The following TRAPPC13 variants were observed in gnomAD, a reference collection of about 807,000 sequenced individuals.
TRAPPC13 encodes the protein REV7-interacting novel NHEJ regulator 1.
Under a neutral mutation model 54.0 loss-of-function variants are expected in TRAPPC13, and 39 were observed. The observed-to-expected ratio is 0.72, with a 90% CI of 0.56 to 0.94. The LOEUF is 0.94. Among genes scored for constraint, TRAPPC13 ranks in the 40% least tolerant of loss-of-function variants. The pLI is 0.00. For missense variants in TRAPPC13, 386 were observed against 488.1 expected, an observed-to-expected ratio of 0.79 and a Z score of 1.97; for synonymous variants, 148 against 167.7, an observed-to-expected ratio of 0.88 and a Z score of 0.91.
chr5:65,629,797 G>A, intron 1 of TRAPPC13: 1 of 1,536,094 alleles, frequency 6.5e-7, no homozygotes, highest in African/African-American at 1.4e-5. Flanking sequence ...ATGTGAAACA[G>A]TACTTAACCA....
chr5:65,656,901 G>T (rs13190637), intron 8 of TRAPPC13, among the ~76,000 whole-genome samples: 1 of 151,364 alleles, frequency 6.6e-6, no homozygotes, highest in Non-Finnish European at 1.5e-5. Flanking sequence ...GTGAAACTTC[G>T]TCTCAAAATA....
chr5:65,660,585 T>A, intron 9 of TRAPPC13, 114 bp from the exon 10 acceptor site: 1 of 645,848 alleles, frequency 1.5e-6, no homozygotes, highest in Non-Finnish European at 2.4e-6. Flanking sequence ...GTTCTGTTGT[T>A]GATCTTTGGA....
chr5:65,640,004 G>A (rs142631203), intron 4 of TRAPPC13, among the ~76,000 whole-genome samples: 32 of 152,284 alleles, frequency 2.1e-4, no homozygotes, highest in African/African-American at 6.7e-4. Context: ...TAACAAGGAC[G>A]TTAGAGAGCA....
At chr5:65,639,188 C>T (rs1755875115) in intron 4 of TRAPPC13, among the ~76,000 whole-genome samples, 1 of 152,148 alleles carries the variant, frequency 6.6e-6, no homozygotes, top group African/African-American at 2.4e-5. Flanking sequence ...TATCTCCCAC[C>T]AGGCCCCTCC....
At chr5:65,637,976 A>G (rs570931645) in intron 4 of TRAPPC13, among the ~76,000 whole-genome samples, 196 bp downstream of exon 4, 26 of 151,800 alleles carry the variant, frequency 1.7e-4, no homozygotes, top group Admixed American at 4.6e-4. Flanking sequence ...AAAATTAGCC[A>G]GGTGTGGTGG....
intron 1 of TRAPPC13, chr5:65,629,508 A>C (rs929632106): frequency 4.2e-6 from 6 of 1,439,940 alleles, no homozygotes; most frequent in Non-Finnish European, 5.4e-6. Flanking sequence ...ACAATCTTGC[A>C]ATAATAAATT....
rs1756729666 is a variant in TRAPPC13 at position 65,658,463 on chromosome 5, T to G, written c.660T>G (p.Asn220Lys). Residue 220 changes from asparagine (N) to lysine (K), a missense_variant, in exon 9 of 13, where the codon AAT becomes AAG. By Grantham distance (94) the Asn-to-Lys change is moderately conservative. Transcript: ENST00000399438. ...CACTGGAGCCATCTATTATGTACAATGTAACAGAATTAAATTCAGTCAGCC... is the reference window on the plus strand; with the variant it reads ...CACTGGAGCCATCTATTATGTACAAGGTAACAGAATTAAATTCAGTCAGCC... ...KVSLEPSIMY[N>K]VTELNSVSQA... 6.3e-7 allele frequency: 1 copy of G among 1,581,724 alleles called. No individual in the cohort carries two copies. The highest frequency in any genetic ancestry group is 1.8e-5 in the Admixed American group (1 of 55,552).
At chr5:65,631,877 T>C (rs979732185) in intron 1 of TRAPPC13, among the ~76,000 whole-genome samples, 2 of 150,710 alleles carry the variant, frequency 1.3e-5, no homozygotes, top group African/African-American at 4.9e-5. Flanking sequence ...TAAGCAAATA[T>C]GTTAGCTACA....
Position 65,662,134 on chromosome 5 carries a change from A to T in TRAPPC13, c.982A>T (p.Lys328Ter), listed in dbSNP as rs1199277734. The T allele has an allele frequency of 2.5e-6, 4 of 1,605,330 alleles. No homozygotes were observed. Among genetic ancestry groups the T allele is most frequent in the Admixed American group, 1.7e-5 (1 of 58,478 alleles). Residue 328 changes from lysine (K) to a stop codon, truncating the protein, a stop_gained, in exon 11 of 13, where the codon AAA becomes TAA. Coordinates refer to ENST00000399438, the MANE Select transcript of TRAPPC13 (RefSeq NM_024941.4). LOFTEE classifies it high-confidence loss of function. ...TGAAGAACCTTTTCATATTACCTGT[A>T]AAATAACAAACTGCAGGTAATGCCA... ...NLEEPFHITC[K>*]ITNCSERTMD... is the part of the protein sequence containing the mutation.
chr5:65,630,022 T>C (rs373104336), intron 1 of TRAPPC13: 1 of 1,535,996 alleles, frequency 6.5e-7, no homozygotes, highest in African/African-American at 1.4e-5. Flanking sequence ...CTAAAAACGT[T>C]TCTCCTTTGT....
At chr5:65,659,967 C>CAAAAAAAAAAAAAAAAAAA (rs141876171) in intron 9 of TRAPPC13, among the ~76,000 whole-genome samples, 7 of 95,226 alleles carry the variant, frequency 7.4e-5, no homozygotes, top group South Asian at 3.7e-4. Flanking sequence ...GTATTTTAAA[C>CAAAAAAAAAAAAAAAAAAA]AAAAAAAAAA....
chr5:65,639,732 T>C (rs1032330021), intron 4 of TRAPPC13, among the ~76,000 whole-genome samples: 10 of 152,208 alleles, frequency 6.6e-5, no homozygotes, highest in East Asian at 5.8e-4. Context: ...ATGAGCACAT[T>C]GTGTGGGATG....
chr5:65,637,370 G>A (rs1480035881), intron 3 of TRAPPC13, among the ~76,000 whole-genome samples: 1 of 152,168 alleles, frequency 6.6e-6, no homozygotes, highest in Non-Finnish European at 1.5e-5. Flanking sequence ...AGTGGCTCAC[G>A]CCTGTAATCC....
intron 9 of TRAPPC13, among the ~76,000 whole-genome samples, chr5:65,659,095 T>C (rs1756758365): frequency 6.6e-6 from 1 of 152,238 alleles, no homozygotes; most frequent in Non-Finnish European, 1.5e-5. Flanking sequence ...CTAATGTCTA[T>C]AATTTACATT....
chr5:65,656,230 A>G (rs922353917), intron 8 of TRAPPC13, among the ~76,000 whole-genome samples: 2 of 152,214 alleles, frequency 1.3e-5, no homozygotes, highest in African/African-American at 4.8e-5. Context: ...TGAATTCTTA[A>G]TTTTTAAAAT....
rs193271237 is a variant in TRAPPC13, at chr5:65,658,603, T to A, written c.698+102T>A. On this transcript the variant is annotated intron_variant, in intron 9 of 12. Coordinates refer to ENST00000399438, the MANE Select transcript of TRAPPC13 (RefSeq NM_024941.4). ...GGGTTTTTTTTTAATAGACTTTTTT[T>A]AAAGAATTTGAGGTTCATAGAAAAA... The A allele has an allele frequency of 3.4e-4, 359 of 1,053,752 alleles. 6 individuals are homozygous for A. The East Asian group carries it at 0.01, about 31-fold the overall frequency. 65.3% of individuals were successfully genotyped at this position (1,053,752 alleles called of 1,614,324 possible).
At chr5:65,659,007 A>C (rs1326145001) in intron 9 of TRAPPC13, among the ~76,000 whole-genome samples, 1 of 152,194 alleles carries the variant, frequency 6.6e-6, no homozygotes, top group Non-Finnish European at 1.5e-5. Flanking sequence ...GGCGTGAGCC[A>C]CTGTGCCTGG....
Position 65,629,681 on chromosome 5 carries a change from A to G in TRAPPC13, c.46+4575A>G, listed in dbSNP as rs1354696855. 2.6e-6 allele frequency: 4 copies of G among 1,535,806 alleles called. No individual in the cohort carries two copies. In the African/African-American group the frequency reaches 4.1e-5, roughly 16 times the overall value. On this transcript the variant is annotated intron_variant, in intron 1 of 12. Coordinates refer to ENST00000399438, the MANE Select transcript of TRAPPC13 (RefSeq NM_024941.4). ...AGAAAAAGCAATTCAAGACTTTCCT[A>G]CTCGTCCGCTATCAAGATTTATACC...
chr5:65,655,589 C>T, intron 7 of TRAPPC13, 47 bp from the exon 8 acceptor site: 1 of 668,818 alleles, frequency 1.5e-6, no homozygotes, highest in Non-Finnish European at 2.1e-6. Flanking sequence ...TTTTCTTTAA[C>T]ATTTAACTCT....
Sources: gnomAD v4.1 joint callset for allele counts (sites outside exome capture counted in the v4.1 genomes callset) on GRCh38, gnomAD v4.1.1 for gene constraint, MANE v1.5 for transcripts, NCBI Gene and HGNC (gene_info 2026-07-23, HGNC 2026-07-21) for gene names.